MROH2A: variants seen among roughly 807,000 people sequenced by gnomAD.
MROH2A encodes the protein maestro heat-like repeat-containing protein family member 2A.
In MROH2A, 174 loss-of-function variants were observed where a neutral mutation model predicts 200.4. The observed-to-expected ratio is 0.87, with a 90% CI of 0.77 to 0.98. The LOEUF (loss-of-function observed/expected upper bound fraction) is 0.98. Among genes scored for constraint, MROH2A ranks in the 50% least tolerant of loss-of-function variants. MROH2A has a pLI of 0.00. For synonymous variants in MROH2A, 829 were observed against 840.4 expected (o/e 0.99, Z 0.23); for missense variants, 2,045 against 2,139.6 (o/e 0.96, Z 0.87).
Position 233,828,861 on chromosome 2 carries a change from C to T in MROH2A, c.4264-29C>T. 6.5e-7 allele frequency: 1 copy of T among 1,550,042 alleles called. No homozygotes were observed. The highest frequency in any genetic ancestry group is 2.4e-5 in the East Asian group (1 of 40,902). ...CCTGGTCAGCCTGGGAGGGAGGGTGCAGGCTGAGGGCTGCCCATGCCCCTC... is the reference window on the plus strand; with the variant it reads ...CCTGGTCAGCCTGGGAGGGAGGGTGTAGGCTGAGGGCTGCCCATGCCCCTC... On this transcript the variant is annotated intron_variant, in intron 36 of 41. Transcript: ENST00000389758. The surrounding 1 kb of genome is among the most constrained non-coding windows in gnomAD (Gnocchi z 4.6).
At chr2:233,797,282 T>G (rs1702176150) in intron 11 of MROH2A, among the ~76,000 whole-genome samples, 1 of 152,190 alleles carries the variant, frequency 6.6e-6, no homozygotes. Context: ...GGACCAACAT[T>G]TGCACTCAAC....
intron 37 of MROH2A, 93 bp downstream of exon 37, chr2:233,829,165 G>A: frequency 8.1e-7 from 1 of 1,241,534 alleles, no homozygotes; most frequent in East Asian, 2.6e-5. Context: ...GCAGAAAAGA[G>A]CCGAGGCTCC....
In MROH2A at chr2:233,828,913, G is replaced by C. The variant is rs938084085; in HGVS notation, c.4287G>C (p.Leu1429Phe). The C allele has an allele frequency of 6.5e-7, 1 of 1,550,374 alleles. No individual in the cohort carries two copies. Among genetic ancestry groups the C allele is most frequent in the Non-Finnish European group, 8.7e-7 (1 of 1,146,988 alleles). ...AGGTGAAGCAGTACCGGAAGGTCTT[G>C]CTGGAGAAGTGCCTGGGCCCCCTGA... ...PKKVKQYRKV[L>F]LEKCLGPLRE... The change falls in exon 37 of 42, where the codon TTG (leucine) becomes TTC (phenylalanine). Residue 1429 changes from leucine (L) to phenylalanine (F), a missense_variant. Leu to Phe is a conservative substitution (Grantham distance 22). Coordinates refer to ENST00000389758, the MANE Select transcript of MROH2A (RefSeq NM_001394639.1). The surrounding 1 kb of genome is among the most constrained non-coding windows in gnomAD (Gnocchi z 4.6).
At chr2:233,779,303 G>A (rs1160980689) in intron 1 of MROH2A, 42 bp from the exon 2 acceptor site, 1 of 1,285,066 alleles carries the variant, frequency 7.8e-7, no homozygotes, top group East Asian at 2.5e-5. Flanking sequence ...CTTAAGGTGT[G>A]TGTCACACCC....
At position 233,807,281 on chromosome 2, in the gene MROH2A, T is replaced by C. The variant is rs1702859534; in HGVS notation, c.2053-142T>C. The C allele has an allele frequency of 1.1e-6, 1 of 927,686 alleles. No homozygotes were observed. 57.5% of individuals were successfully genotyped at this position (927,686 alleles called of 1,614,324 possible). A position where few individuals can be genotyped will look rare whatever the true frequency, so the allele number is the denominator to read the frequency against. Reference sequence around the variant, plus strand: ...GCTTCCACATTTTTGCACTTGTGAATTGTGCTGCTGTAAACGTGTGTGCAA... The same window carrying C: ...GCTTCCACATTTTTGCACTTGTGAACTGTGCTGCTGTAAACGTGTGTGCAA... On this transcript the variant is annotated intron_variant, in intron 19 of 41. Transcript: ENST00000389758. The surrounding 1 kb of genome is among the most constrained non-coding windows in gnomAD (Gnocchi z 4.3).
rs193265430 is a variant in MROH2A, at chr2:233,800,768, G to A, written c.1560+453G>A. ...GTGCACTAGGAGGACTCAGTATGAC[G>A]GGAAGGAGTGGAAGGAGTTCACAGA... On this transcript the variant is annotated intron_variant, in intron 14 of 41. Transcript: ENST00000389758. 2.4e-3 allele frequency among the ~76,000 whole-genome samples: 369 copies of A among 152,178 alleles called. 4 individuals carry two copies. Among genetic ancestry groups the A allele is most frequent in the African/African-American group, 8.4e-3 (350 of 41,518 alleles).
intron 14 of MROH2A, 60 bp from the exon 15 acceptor site, chr2:233,802,108 C>T: frequency 1.3e-6 from 2 of 1,495,716 alleles, no homozygotes; most frequent in Non-Finnish European, 1.8e-6. Flanking sequence ...TGACTGTTCT[C>T]CTTAGAAGCC....
At chr2:233,782,374 C>T (rs1244300354) in intron 3 of MROH2A, among the ~76,000 whole-genome samples, 1 of 152,152 alleles carries the variant, frequency 6.6e-6, no homozygotes, top group Non-Finnish European at 1.5e-5. Context: ...CAATTCTTTT[C>T]ATCAGTGTTT....
upstream of MROH2A, among the ~76,000 whole-genome samples, chr2:233,776,679 A>G (rs1700716544): frequency 6.6e-6 from 1 of 152,120 alleles, no homozygotes; most frequent in Admixed American, 6.5e-5. Flanking sequence ...ACTTTTGGCC[A>G]TGGCTTACAC....
rs936893809 is a variant in MROH2A at position 233,802,162 on chromosome 2, C to T, written c.1561-6C>T. ...TGAGCCCCTTTCTCTCCCACCCCTA[C>T]CCCAGGAGTTTTGGGTGAGGCTGCT... On this transcript the variant is annotated splice_region_variant and splice_polypyrimidine_tract_variant and intron_variant, in intron 14 of 41. Transcript: ENST00000389758. The T allele has an allele frequency of 3.2e-6, 5 of 1,547,806 alleles. No individual in the cohort carries two copies. Among genetic ancestry groups the T allele is most frequent in the Non-Finnish European group, 2.6e-6 (3 of 1,145,170 alleles).
At chr2:233,786,040 T>G (rs1012289968) in intron 3 of MROH2A, among the ~76,000 whole-genome samples, 8 of 152,100 alleles carry the variant, frequency 5.3e-5, no homozygotes, top group Non-Finnish European at 1.2e-4. Flanking sequence ...ATGGGGTGGT[T>G]TCCCTCATAC....
chr2:233,823,609 T>G lies in MROH2A; in HGVS notation c.4058T>G (p.Leu1353Arg). ...AGGCAGAGGCTGGCCGAGCTGGTGC[T>G]CAGGGGCATGGACTCAGAAGTCCTG... ...GHRQRLAELVLRGMDSEVLSC... is the reference protein window; with the variant it reads ...GHRQRLAELVRRGMDSEVLSC... The change falls in exon 35 of 42, where the codon CTC (leucine) becomes CGC (arginine). Residue 1353 changes from leucine to arginine, a missense_variant. By Grantham distance (102) the Leu-to-Arg change is moderately radical (BLOSUM62 -2). Transcript: ENST00000389758. The G allele has an allele frequency of 6.5e-7, 1 of 1,550,382 alleles. No individual in the cohort carries two copies. The highest frequency in any genetic ancestry group is 8.7e-7 in the Non-Finnish European group (1 of 1,146,964).
At position 233,828,531 on chromosome 2, in the gene MROH2A, C is replaced by T; in HGVS notation, c.4114-99C>T. The T allele has an allele frequency of 7.0e-7, 1 of 1,432,928 alleles. No homozygotes were observed. The highest frequency in any genetic ancestry group is 1.4e-5 in the African/African-American group (1 of 69,934). 88.8% of individuals were successfully genotyped at this position (1,432,928 alleles called of 1,614,324 possible). A position where few individuals can be genotyped will look rare whatever the true frequency, so the allele number is the denominator to read the frequency against. Reference sequence around the variant, plus strand: ...CTCAGAGCCCCTCCCCTCCTGTCCACAGAGCCACCAATCTGCATTACCTCT... The same window carrying T: ...CTCAGAGCCCCTCCCCTCCTGTCCATAGAGCCACCAATCTGCATTACCTCT... On this transcript the variant is annotated intron_variant, in intron 35 of 41. Coordinates refer to ENST00000389758, the MANE Select transcript of MROH2A (RefSeq NM_001394639.1). This position sits in a 1 kb window ranked among gnomAD's most constrained non-coding sequence, Gnocchi z 4.6.
At chr2:233,818,832 A>G (rs6759919) in intron 29 of MROH2A, 62 bp downstream of exon 29, 544,081 of 1,108,418 alleles carry the variant, frequency 0.49, 139,869 homozygotes, top group South Asian at 0.56. Flanking sequence ...GCCGTCTCTC[A>G]GGGAGGGAGG....
chr2:233,795,791 T>C, intron 9 of MROH2A, 46 bp downstream of exon 9: 1 of 1,550,620 alleles, frequency 6.4e-7, no homozygotes, highest in South Asian at 1.2e-5. Context: ...TCTGGGTGGA[T>C]CAGCAGGAAG....
intron 26 of MROH2A, among the ~76,000 whole-genome samples, chr2:233,815,485 TCTC>T (rs1222709224): frequency 6.6e-6 from 1 of 152,076 alleles, no homozygotes; most frequent in East Asian, 1.9e-4. Context: ...CCAAAGATTT[TCTC>T]CTATGTTTTC....
intron 3 of MROH2A, 50 bp downstream of exon 3, chr2:233,779,902 T>G: frequency 7.1e-7 from 1 of 1,410,932 alleles, no homozygotes; most frequent in South Asian, 1.3e-5. Context: ...TCTGTGTGCA[T>G]CCATCCACCA....
In MROH2A at chr2:233,813,271, A is replaced by AGCTGCTGCTGCTGCTGCTGCT. The variant is rs895511669; in HGVS notation, c.2652-397_2652-377dup. 9.9e-3 allele frequency among the ~76,000 whole-genome samples: 1,509 copies of AGCTGCTGCTGCTGCTGCTGCT among 152,022 alleles called. 97 individuals are homozygous for AGCTGCTGCTGCTGCTGCTGCT. The East Asian group carries it at 0.19, about 19-fold the overall frequency. ...GTGTTTCTCATAAATTCCAAGGTGA[A>AGCTGCTGCTGCTGCTGCTGCT]GCTGCTGCTGCTGCTGCTGCTGGTG... On this transcript the variant is annotated intron_variant, in intron 24 of 41. Coordinates refer to ENST00000389758, the MANE Select transcript of MROH2A (RefSeq NM_001394639.1).
At chr2:233,804,748 G>A (rs1559460379) in intron 18 of MROH2A, among the ~76,000 whole-genome samples, 1 of 152,164 alleles carries the variant, frequency 6.6e-6, no homozygotes, top group Admixed American at 6.5e-5. Context: ...CTTCCATCCC[G>A]AGAGCCAGGT....
Sources: allele counts gnomAD v4.1 joint callset (sites outside exome capture counted in the v4.1 genomes callset), GRCh38; gene constraint gnomAD v4.1.1; non-coding constraint Gnocchi (gnomAD v3.1); transcripts MANE v1.5; gene names NCBI Gene and HGNC (gene_info 2026-07-23, HGNC 2026-07-21).